The following ZNF654 variants were observed in gnomAD, a reference collection of about 807,000 sequenced individuals.
ZNF654 encodes the protein melanoma-associated antigen.
Under a neutral mutation model 95.3 loss-of-function variants are expected in ZNF654, and 19 were observed. The ratio of observed to expected loss-of-function variants is 0.20; its 90% CI spans 0.14 to 0.29. ZNF654 has a LOEUF of 0.29. ZNF654 is among the 10% of genes least tolerant of loss of function. The pLI is 1.00. For missense variants in ZNF654, 1,046 were observed against 1,341.0 expected, an observed-to-expected ratio of 0.78 and a Z score of 3.44; for synonymous variants, 413 against 457.9, an observed-to-expected ratio of 0.90 and a Z score of 1.25.
Position 88,108,872 on chromosome 3 carries a change from T to G in ZNF654, c.333-4243T>G, listed in dbSNP as rs1173507254. Reference sequence around the variant, plus strand: ...TGCTGAGGTTGCTAAAATCTCACAGTGAGAACAAATTTCCTATCTCTGAAA... The same window carrying G: ...TGCTGAGGTTGCTAAAATCTCACAGGGAGAACAAATTTCCTATCTCTGAAA... On this transcript the variant is annotated intron_variant, in intron 2 of 8. Coordinates refer to ENST00000636215, the MANE Select transcript of ZNF654 (RefSeq NM_001350134.2). Among the ~76,000 whole-genome samples the G allele has an allele frequency of 2.0e-5, 3 of 151,988 alleles. No individual in the cohort carries two copies. The East Asian group carries it at 5.8e-4, about 29-fold the overall frequency.
chr3:88,111,085 T>C (rs1350371015), intron 2 of ZNF654, among the ~76,000 whole-genome samples: 1 of 151,982 alleles, frequency 6.6e-6, no homozygotes, highest in African/African-American at 2.4e-5. Flanking sequence ...AACTGCTGTG[T>C]TGAACATGGA....
At chr3:88,102,146 G>A (rs1559711399) in intron 2 of ZNF654, among the ~76,000 whole-genome samples, 1 of 152,080 alleles carries the variant, frequency 6.6e-6, no homozygotes, top group Non-Finnish European at 1.5e-5. Context: ...CTGGTTTAAA[G>A]AAATTTGGTT....
At position 88,059,308 on chromosome 3, in the gene ZNF654, G is replaced by C; in HGVS notation, c.-12G>C. ...GCGCAGGGGCTGGTACGCGCTGGGC[G>C]GCGAGAGCCTCATGGCGGAGGAAGA... On this transcript the variant is annotated 5_prime_UTR_variant, in exon 1 of 9. Coordinates refer to ENST00000636215, the MANE Select transcript of ZNF654 (RefSeq NM_001350134.2). 6.5e-7 allele frequency: 1 copy of C among 1,533,042 alleles called. No homozygotes were observed. The allele number at this position is 1,533,042 out of a possible 1,614,324, so 95.0% of individuals were successfully genotyped here.
At chr3:88,113,005 A>G in intron 2 of ZNF654, 110 bp from the exon 3 acceptor site, 1 of 722,140 alleles carries the variant, frequency 1.4e-6, no homozygotes, top group Non-Finnish European at 2.1e-6. Context: ...TTTTTAAACC[A>G]AAATATTTTA....
At chr3:88,074,451 C>T (rs533046073) in intron 1 of ZNF654, among the ~76,000 whole-genome samples, 51 of 151,318 alleles carry the variant, frequency 3.4e-4, no homozygotes, top group East Asian at 1.6e-3. Context: ...AAGCAGCTCT[C>T]CTGCCTCAGC....
At chr3:88,083,098 A>G (rs1181541528) in intron 1 of ZNF654, among the ~76,000 whole-genome samples, 3 of 150,926 alleles carry the variant, frequency 2.0e-5, no homozygotes, top group East Asian at 2.0e-4. Context: ...CTCACCACCA[A>G]TCCTACTGGA....
chr3:88,098,294 C>T (rs1704187006), intron 2 of ZNF654, among the ~76,000 whole-genome samples: 1 of 152,138 alleles, frequency 6.6e-6, no homozygotes. Flanking sequence ...GAAGTTGAAT[C>T]TCTGAATACA....
At chr3:88,076,908 G>T (rs369066044) in intron 1 of ZNF654, among the ~76,000 whole-genome samples, 163 of 152,248 alleles carry the variant, frequency 1.1e-3, no homozygotes, top group African/African-American at 3.9e-3. Context: ...CTGCCTCAAA[G>T]GTGGTGCAAG....
chr3:88,075,234 G>A (rs1280201523), intron 1 of ZNF654, among the ~76,000 whole-genome samples: 1 of 152,142 alleles, frequency 6.6e-6, no homozygotes, highest in Non-Finnish European at 1.5e-5. Flanking sequence ...CTGTTATAAA[G>A]AGCATATCAC....
At chr3:88,075,055 T>G (rs185387472) in intron 1 of ZNF654, among the ~76,000 whole-genome samples, 1 of 152,350 alleles carries the variant, frequency 6.6e-6, no homozygotes, top group East Asian at 1.9e-4. Flanking sequence ...TTTGCAAAGT[T>G]TACAAATTTC....
chr3:88,127,182 C>T (rs937968439), intron 4 of ZNF654, among the ~76,000 whole-genome samples: 3 of 152,120 alleles, frequency 2.0e-5, no homozygotes, highest in African/African-American at 7.2e-5. Flanking sequence ...AACAAGACCT[C>T]CCAACCCTGG....
At chr3:88,083,444 G>A (rs1410971042) in intron 1 of ZNF654, among the ~76,000 whole-genome samples, 3 of 152,014 alleles carry the variant, frequency 2.0e-5, no homozygotes, top group East Asian at 1.9e-4. Flanking sequence ...AAGTGCTGCT[G>A]GATTATTAGC....
At chr3:88,087,728 G>A (rs930775956) in intron 2 of ZNF654, among the ~76,000 whole-genome samples, 6 of 152,158 alleles carry the variant, frequency 3.9e-5, no homozygotes, top group Non-Finnish European at 7.3e-5. Flanking sequence ...TGTCTCATAG[G>A]ATAAGTATTA....
chr3:88,136,310 G>T (rs918819958), intron 7 of ZNF654, among the ~76,000 whole-genome samples: 2 of 151,730 alleles, frequency 1.3e-5, no homozygotes, highest in Non-Finnish European at 2.9e-5. Flanking sequence ...TCATATGTGG[G>T]GTAAACCTGC....
chr3:88,063,939 A>G (rs1707042995), intron 1 of ZNF654, among the ~76,000 whole-genome samples: 1 of 152,130 alleles, frequency 6.6e-6, no homozygotes, highest in African/African-American at 2.4e-5. Context: ...AACCAAAACA[A>G]CTTGTCCTAA....
At chr3:88,071,276 A>C (rs1420405269) in intron 1 of ZNF654, among the ~76,000 whole-genome samples, 1 of 151,854 alleles carries the variant, frequency 6.6e-6, no homozygotes, top group Non-Finnish European at 1.5e-5. Context: ...TTGGGAGGCC[A>C]AGGTGGGCGG....
At chr3:88,115,731 C>T (rs563283097) in intron 3 of ZNF654, among the ~76,000 whole-genome samples, 188 of 152,246 alleles carry the variant, frequency 1.2e-3, no homozygotes, top group Middle Eastern at 6.8e-3. Context: ...TACTGGCTTC[C>T]GAAAGTTTTC....
Position 88,059,419 on chromosome 3 carries a change from G to A in ZNF654, c.100G>A (p.Gly34Ser). The A allele has an allele frequency of 6.5e-7, 1 of 1,528,726 alleles. No individual in the cohort carries two copies. Among genetic ancestry groups the A allele is most frequent in the Non-Finnish European group, 8.7e-7 (1 of 1,144,168 alleles). The allele number at this position is 1,528,726 out of a possible 1,614,324, so 94.7% of individuals were successfully genotyped here. A position where few individuals can be genotyped will look rare whatever the true frequency, so the allele number is the denominator to read the frequency against. Residue 34 changes from glycine (G) to serine (S), a missense_variant, in exon 1 of 9, where the codon GGC becomes AGC. Transcript: ENST00000636215. ...GGGCCCTGTGGGGCTTAGAGCTGCG[G>A]GCGACGGCAGAGGCGGCGCTGGCAG... ...PLGPVGLRAA[G>S]DGRGGAGSGN...
rs1707062591 is a variant in ZNF654, at chr3:88,140,590, G to C, written c.2921G>C (p.Ser974Thr). 1.5e-5 allele frequency: 24 copies of C among 1,613,584 alleles called. No homozygotes were observed. Among genetic ancestry groups the C allele is most frequent in the Admixed American group, 5.0e-5 (3 of 59,958 alleles). ...AATTCTGAAAATAATTGTAGTAGTA[G>C]TGATATAGTCAATGGACACAGTGAA... Reference protein sequence around the residue: ...EPNSENNCSSSDIVNGHSEIE... With the variant: ...EPNSENNCSSTDIVNGHSEIE... The change falls in exon 8 of 9, where the codon AGT becomes ACT. Residue 974 changes from serine to threonine, a missense_variant. Coordinates refer to ENST00000636215, the MANE Select transcript of ZNF654 (RefSeq NM_001350134.2).
Sources: gnomAD v4.1 joint callset for allele counts (sites outside exome capture counted in the v4.1 genomes callset) on GRCh38, gnomAD v4.1.1 for gene constraint, MANE v1.5 for transcripts, NCBI Gene and HGNC (gene_info 2026-07-23, HGNC 2026-07-21) for gene names.